PHF2: variants seen among roughly 807,000 people sequenced by gnomAD.
The protein encoded by PHF2 is PHD finger protein 2.
PHF2 carries 27 observed loss-of-function variants against 120.5 expected under a neutral mutation model. The observed-to-expected ratio is 0.22, with a 90% CI of 0.17 to 0.31. The LOEUF is 0.31. Among genes scored for constraint, PHF2 ranks in the 10% least tolerant of loss-of-function variants. PHF2 has a pLI of 1.00. For synonymous variants in PHF2, 568 were observed against 592.5 expected (o/e 0.96, Z 0.60); for missense variants, 1,024 against 1,434.8 (o/e 0.71, Z 4.63).
intron 1 of PHF2, among the ~76,000 whole-genome samples, chr9:93,583,385 A>G (rs1300802724): frequency 6.6e-6 from 1 of 152,152 alleles, no homozygotes; most frequent in Non-Finnish European, 1.5e-5. Flanking sequence ...GTGTATAAAT[A>G]TTTGTTTGAA....
At chr9:93,613,896 C>T (rs1393598135) in intron 1 of PHF2, among the ~76,000 whole-genome samples, 1 of 152,194 alleles carries the variant, frequency 6.6e-6, no homozygotes, top group Non-Finnish European at 1.5e-5. Context: ...CCAGAAGTCT[C>T]TATGGGTTGT....
intron 1 of PHF2, among the ~76,000 whole-genome samples, chr9:93,614,118 G>A (rs563074687): frequency 6.6e-6 from 1 of 152,320 alleles, no homozygotes; most frequent in East Asian, 1.9e-4. Flanking sequence ...CTCTACCTTA[G>A]ACCATGGCCA....
chr9:93,620,306 C>T (rs1825804961), intron 1 of PHF2, among the ~76,000 whole-genome samples: 1 of 152,244 alleles, frequency 6.6e-6, no homozygotes, highest in Non-Finnish European at 1.5e-5. Flanking sequence ...TCTGGGTCCT[C>T]ATGGAGCCTC....
chr9:93,630,746 A>C (rs7869847), intron 2 of PHF2, among the ~76,000 whole-genome samples: 25,710 of 151,468 alleles, frequency 0.17, 2,296 homozygotes, highest in African/African-American at 0.23. Context: ...GCAGAGGGGG[A>C]GCTGTGTGGT....
intron 1 of PHF2, among the ~76,000 whole-genome samples, chr9:93,587,108 G>A (rs931217596): frequency 3.3e-5 from 5 of 152,244 alleles, no homozygotes; most frequent in Non-Finnish European, 7.3e-5. Context: ...TTCTGTGGGA[G>A]GCATGGAGTA....
At chr9:93,652,246 T>C (rs1826380812) in intron 5 of PHF2, among the ~76,000 whole-genome samples, 1 of 151,218 alleles carries the variant, frequency 6.6e-6, no homozygotes, top group Non-Finnish European at 1.5e-5. Context: ...ATCTGGTTCT[T>C]AGTGGCAGCT....
chr9:93,619,411 C>T (rs1204542949), intron 1 of PHF2, among the ~76,000 whole-genome samples: 2 of 152,152 alleles, frequency 1.3e-5, no homozygotes, highest in Non-Finnish European at 2.9e-5. Context: ...CACTTTGCTC[C>T]GCTGACCTTG....
chr9:93,649,186 C>A lies in PHF2; in HGVS notation c.576C>A (p.Val192=), dbSNP rs1339359198. The change falls in exon 5 of 22, where the codon GTC becomes GTA. Residue 192 remains valine (V), a synonymous_variant. Coordinates refer to ENST00000359246, the MANE Select transcript of PHF2 (RefSeq NM_005392.4). ...YSTNRKRVLN[V]TNLEFSDTRM... is the part of the protein sequence containing the mutation. ...CCAACCGCAAGCGGGTCCTCAACGT[C>A]ACCAACCTCGAGTTCTCTGACACCC... 6.5e-7 allele frequency: 1 copy of A among 1,549,186 alleles called. No homozygotes were observed. Among genetic ancestry groups the A allele is most frequent in the Non-Finnish European group, 8.7e-7 (1 of 1,145,758 alleles).
intron 14 of PHF2, among the ~76,000 whole-genome samples, chr9:93,664,260 G>A (rs1161039452): frequency 2.0e-5 from 3 of 152,148 alleles, no homozygotes; most frequent in Non-Finnish European, 4.4e-5. Flanking sequence ...CCTGGAGACG[G>A]CACTGAGCAG....
intron 1 of PHF2, among the ~76,000 whole-genome samples, chr9:93,619,137 CT>C (rs1258943506): frequency 6.6e-6 from 1 of 152,040 alleles, no homozygotes; most frequent in African/African-American, 2.4e-5. Context: ...TCCGCTTCTC[CT>C]TTGTAGCTCT....
intron 1 of PHF2, among the ~76,000 whole-genome samples, chr9:93,590,270 T>G (rs1258984215): frequency 1.3e-5 from 2 of 152,258 alleles, no homozygotes; most frequent in African/African-American, 4.8e-5. Context: ...CACTCACTTT[T>G]AAATCCTTTC....
intron 18 of PHF2, among the ~76,000 whole-genome samples, chr9:93,674,628 G>A (rs1019160960): frequency 2.6e-5 from 4 of 152,188 alleles, no homozygotes; most frequent in African/African-American, 9.7e-5. Flanking sequence ...TTAGAGGCCA[G>A]GGGCTTGCAG....
At position 93,654,401 on chromosome 9, in the gene PHF2, C is replaced by A. The variant is rs200325702; in HGVS notation, c.790-12C>A. 13 of 1,608,904 alleles carry A rather than the reference C, an allele frequency of 8.1e-6. No individual in the cohort carries two copies. The African/African-American group carries it at 1.7e-4, about 21-fold the overall frequency. ...CAGTATGGGCGGCTCTGCCAACAGG[C>A]TCTCTTGGCAGGGGGAGAAGACCTT... On this transcript the variant is annotated splice_polypyrimidine_tract_variant and intron_variant, in intron 6 of 21. Transcript: ENST00000359246.
chr9:93,615,172 ATAGTAATGG>A (rs1329828801), intron 1 of PHF2, among the ~76,000 whole-genome samples: 8 of 41,718 alleles, frequency 1.9e-4, no homozygotes, highest in South Asian at 3.9e-3. Context: ...GGTGATGGTG[ATAGTAATGG>A]TGATGGCGAT....
intron 7 of PHF2, 102 bp downstream of exon 7, chr9:93,654,677 CGGCATCCCT>C: frequency 8.8e-7 from 1 of 1,138,978 alleles, no homozygotes; most frequent in Non-Finnish European, 1.3e-6. Context: ...GGGGTCTCTT[CGGCATCCCT>C]GGCATGCCTG....
chr9:93,674,801 G>A (rs1478449205), intron 18 of PHF2, 126 bp from the exon 19 acceptor site: 1 of 658,028 alleles, frequency 1.5e-6, no homozygotes, highest in African/African-American at 1.8e-5. Flanking sequence ...ACACAGCGTG[G>A]CAGGCCTTAG....
intron 1 of PHF2, among the ~76,000 whole-genome samples, chr9:93,610,022 T>A (rs555194026): frequency 6.6e-6 from 1 of 152,172 alleles, no homozygotes; most frequent in Non-Finnish European, 1.5e-5. Flanking sequence ...GATATTCTTT[T>A]TGTGTTTGAT....
rs1160680371 is a variant in PHF2 at position 93,678,818 on chromosome 9, T to G, written c.*1142T>G. ...ATTAACATTTATACGAGTTTTTTGC[T>G]GAGTCAGATGGACAGTTGGGTTCTG... On this transcript the variant is annotated 3_prime_UTR_variant, in exon 22 of 22. Coordinates refer to ENST00000359246, the MANE Select transcript of PHF2 (RefSeq NM_005392.4). 6.5e-6 allele frequency: 1 copy of G among 153,856 alleles called. No individual in the cohort carries two copies. The highest frequency in any genetic ancestry group is 1.4e-5 in the Non-Finnish European group (1 of 68,982). 9.5% of individuals were successfully genotyped at this position (153,856 alleles called of 1,614,324 possible). A position where few individuals can be genotyped will look rare whatever the true frequency, so the allele number is the denominator to read the frequency against.
intron 4 of PHF2, 103 bp from the exon 5 acceptor site, chr9:93,648,968 G>A (rs542943049): frequency 1.5e-6 from 2 of 1,322,560 alleles, no homozygotes; most frequent in Non-Finnish European, 2.1e-6. Context: ...CTCCTGCTGT[G>A]TGTGAGGGCA....
Sources: allele counts gnomAD v4.1 joint callset (sites outside exome capture counted in the v4.1 genomes callset), GRCh38; gene constraint gnomAD v4.1.1; transcripts MANE v1.5; gene names NCBI Gene and HGNC (gene_info 2026-07-23, HGNC 2026-07-21).